The following HEMK2 variants were observed in gnomAD, a reference collection of about 807,000 sequenced individuals.
HEMK2 encodes HemK methyltransferase 2, ETF1 glutamine and histone H4 lysine, also known as methyltransferase HEMK2.
chr21:28,860,983 C>T, the HEMK2 span, among the ~76,000 whole-genome samples: 1 of 152,130 alleles, frequency 6.6e-6, no homozygotes, highest in African/African-American at 2.4e-5. Flanking sequence ...AAAAAGGGAT[C>T]CAAAGGCTTA....
the HEMK2 span, among the ~76,000 whole-genome samples, chr21:28,665,530 A>C: frequency 1.7e-3 from 251 of 151,828 alleles, no homozygotes; most frequent in African/African-American, 5.8e-3. Flanking sequence ...GCGCACCAAC[A>C]TGGCACATGT....
chr21:28,869,948 T>C, the HEMK2 span, among the ~76,000 whole-genome samples: 5 of 152,186 alleles, frequency 3.3e-5, no homozygotes, highest in African/African-American at 1.2e-4. Context: ...ACACTGCCAG[T>C]CCCTTTATGC....
chr21:28,749,617 T>C, the HEMK2 span, among the ~76,000 whole-genome samples: 1,661 of 152,338 alleles, frequency 0.011, 24 homozygotes, highest in African/African-American at 0.038. Flanking sequence ...GTTCAGCACT[T>C]GGTGACCTTG....
chr21:28,642,461 C>T, the HEMK2 span, among the ~76,000 whole-genome samples: 1 of 152,206 alleles, frequency 6.6e-6, no homozygotes, highest in Non-Finnish European at 1.5e-5. Flanking sequence ...GCAGGCCCAG[C>T]AGCAGTGTCC....
the HEMK2 span, among the ~76,000 whole-genome samples, chr21:28,876,983 T>TGGAG: frequency 0.015 from 1,157 of 79,448 alleles, 130 homozygotes; most frequent in African/African-American, 0.061. Flanking sequence ...ACTAAGACAA[T>TGGAG]GGAGGGAGGG....
the HEMK2 span, among the ~76,000 whole-genome samples, chr21:28,605,353 A>G: frequency 1.3e-5 from 2 of 152,364 alleles, no homozygotes; most frequent in East Asian, 3.9e-4. Flanking sequence ...CTCTCTTTGA[A>G]GTCAAGGAAA....
the HEMK2 span, among the ~76,000 whole-genome samples, chr21:28,857,429 GA>G: frequency 5.9e-5 from 9 of 152,002 alleles, no homozygotes; most frequent in Non-Finnish European, 1.3e-4. Context: ...AAAGTTTATT[GA>G]TTGTATGATT....
At chr21:28,620,767 G>A in the HEMK2 span, among the ~76,000 whole-genome samples, 8 of 138,782 alleles carry the variant, frequency 5.8e-5, no homozygotes, top group South Asian at 4.7e-4. Context: ...TCCACCTCCC[G>A]TGTGCAAGAG....
the HEMK2 span, among the ~76,000 whole-genome samples, chr21:28,595,751 A>G: frequency 3.3e-5 from 5 of 150,014 alleles, no homozygotes; most frequent in Non-Finnish European, 7.4e-5. Flanking sequence ...AGAAACCTCC[A>G]AACAGTTCTT....
the HEMK2 span, among the ~76,000 whole-genome samples, chr21:28,766,638 T>G: frequency 6.6e-6 from 1 of 151,716 alleles, no homozygotes; most frequent in African/African-American, 2.4e-5. Context: ...ATAAAGAAAA[T>G]ACGGTATATA....
At chr21:28,611,644 A>G in the HEMK2 span, among the ~76,000 whole-genome samples, 1 of 152,118 alleles carries the variant, frequency 6.6e-6, no homozygotes, top group African/African-American at 2.4e-5. Flanking sequence ...GGAGCAGCTC[A>G]CACCTGTAAT....
chr21:28,649,314 G>C, the HEMK2 span, among the ~76,000 whole-genome samples: 1 of 152,202 alleles, frequency 6.6e-6, no homozygotes, highest in African/African-American at 2.4e-5. Context: ...AGGAAAGAAT[G>C]AGGGTGGAAA....
chr21:28,586,137 TG>T, the HEMK2 span, among the ~76,000 whole-genome samples: 4 of 152,188 alleles, frequency 2.6e-5, no homozygotes, highest in Non-Finnish European at 5.9e-5. Flanking sequence ...TAAGCATCTT[TG>T]CGATGTTTGA....
chr21:28,805,676 T>C, the HEMK2 span, among the ~76,000 whole-genome samples: 1 of 152,170 alleles, frequency 6.6e-6, no homozygotes, highest in Non-Finnish European at 1.5e-5. Flanking sequence ...TGTGCTTTTT[T>C]TTTCTCCGAA....
At chr21:28,778,875 ATATAT>A in the HEMK2 span, among the ~76,000 whole-genome samples, 1 of 152,096 alleles carries the variant, frequency 6.6e-6, no homozygotes, top group Non-Finnish European at 1.5e-5. Flanking sequence ...CTCCCAGTCT[ATATAT>A]TATATTTCCA....
At chr21:28,672,177 G>A in the HEMK2 span, among the ~76,000 whole-genome samples, 1 of 152,046 alleles carries the variant, frequency 6.6e-6, no homozygotes, top group Non-Finnish European at 1.5e-5. Context: ...ACTTGAAACA[G>A]ATGTTAAATC....
the HEMK2 span, among the ~76,000 whole-genome samples, chr21:28,760,194 A>G: frequency 6.6e-6 from 1 of 152,222 alleles, no homozygotes; most frequent in African/African-American, 2.4e-5. Flanking sequence ...TTGAAAAGGA[A>G]ATCCCTGTAG....
At chr21:28,806,917 G>C in the HEMK2 span, among the ~76,000 whole-genome samples, 3 of 152,110 alleles carry the variant, frequency 2.0e-5, no homozygotes, top group South Asian at 6.2e-4. Context: ...AATTTCTGCT[G>C]TTCTTAAGCA....
the HEMK2 span, among the ~76,000 whole-genome samples, chr21:28,790,348 G>A: frequency 8.5e-4 from 130 of 152,250 alleles, no homozygotes; most frequent in African/African-American, 2.9e-3. Context: ...ATTAATTGTT[G>A]TTAATGGTTT....
Sources: allele counts gnomAD v4.1 joint callset (sites outside exome capture counted in the v4.1 genomes callset), GRCh38; gene constraint gnomAD v4.1.1; transcripts MANE v1.5; gene names NCBI Gene and HGNC (gene_info 2026-07-23, HGNC 2026-07-21).